Variants in BLOC1S5 observed in about 807,000 individuals in gnomAD.
The protein encoded by BLOC1S5 is biogenesis of lysosomal organelles complex 1 subunit 5.
A neutral mutation model predicts 24.3 loss-of-function variants in BLOC1S5; 27 were observed. The observed-to-expected ratio is 1.11, with a 90% CI of 0.82 to 1.53. The LOEUF is 1.53. Among genes scored for constraint, BLOC1S5 ranks in the 40% most tolerant of loss-of-function variants. The pLI, the probability that BLOC1S5 is intolerant of heterozygous loss-of-function variation, is 0.00. For synonymous variants in BLOC1S5, 84 were observed against 74.5 expected, an observed-to-expected ratio of 1.13 and a Z score of -0.66; for missense variants, 239 against 229.4, an observed-to-expected ratio of 1.04 and a Z score of -0.27.
intron 2 of BLOC1S5, among the ~76,000 whole-genome samples, chr6:8,044,126 AC>A (rs1763788232): frequency 1.3e-5 from 2 of 152,024 alleles, no homozygotes; most frequent in South Asian, 4.2e-4. Flanking sequence ...TACTAAAGAT[AC>A]AAAAAAATTA....
intron 3 of BLOC1S5, among the ~76,000 whole-genome samples, chr6:8,035,402 T>C (rs995642952): frequency 6.6e-6 from 1 of 151,416 alleles, no homozygotes; most frequent in South Asian, 2.1e-4. Flanking sequence ...GACCCACCTC[T>C]ATACTGCCTA....
intron 3 of BLOC1S5, among the ~76,000 whole-genome samples, chr6:8,028,308 T>C (rs1255933335): frequency 6.6e-6 from 1 of 151,830 alleles, no homozygotes; most frequent in Admixed American, 6.6e-5. Flanking sequence ...TCAAAGATAA[T>C]ATTTAAGTAT....
At chr6:8,050,311 C>A (rs1764062579) in intron 2 of BLOC1S5, among the ~76,000 whole-genome samples, 1 of 152,144 alleles carries the variant, frequency 6.6e-6, no homozygotes, top group African/African-American at 2.4e-5. Context: ...AGACCATGAA[C>A]TTAATCTATG....
In BLOC1S5 at chr6:8,018,420, G is replaced by A. The variant is rs61170758; in HGVS notation, c.385-2592C>T. Among the ~76,000 whole-genome samples, 576 of 152,304 alleles carry A rather than the reference G, an allele frequency of 3.8e-3. 3 individuals carry two copies. Among genetic ancestry groups the A allele is most frequent in the African/African-American group, 0.013 (548 of 41,574 alleles). On this transcript the variant is annotated intron_variant, in intron 4 of 4. Transcript: ENST00000397457. ...TGCATACTCAGATGTTATTTAATTT[G>A]TTCATTTCTTTGTAAATGGAAAGTC...
At chr6:8,058,750 G>A (rs527817419) in intron 2 of BLOC1S5, among the ~76,000 whole-genome samples, 8 of 152,298 alleles carry the variant, frequency 5.3e-5, no homozygotes, top group African/African-American at 1.7e-4. Context: ...ATCCTAGGGG[G>A]ATAGAAGGTA....
chr6:8,052,167 C>T (rs974379506), intron 2 of BLOC1S5, among the ~76,000 whole-genome samples: 3 of 151,866 alleles, frequency 2.0e-5, no homozygotes, highest in South Asian at 2.1e-4. Context: ...CGGGGTTTCA[C>T]CGTGTTAGCC....
chr6:8,038,540 C>T (rs7771219), intron 3 of BLOC1S5, among the ~76,000 whole-genome samples: 5 of 152,080 alleles, frequency 3.3e-5, no homozygotes, highest in East Asian at 3.9e-4. Context: ...GCTGGAGTGC[C>T]GTGGCGCTAT....
chr6:8,023,807 CGTGT>C (rs1300411816), intron 4 of BLOC1S5, among the ~76,000 whole-genome samples: 1 of 151,948 alleles, frequency 6.6e-6, no homozygotes, highest in Non-Finnish European at 1.5e-5. Context: ...TTATGACATA[CGTGT>C]GTGTGCGTGC....
chr6:8,033,078 A>C (rs1581407316), intron 3 of BLOC1S5, among the ~76,000 whole-genome samples: 1 of 152,238 alleles, frequency 6.6e-6, no homozygotes, highest in South Asian at 2.1e-4. Context: ...ATTCAATGCT[A>C]TCACCATTAA....
intron 4 of BLOC1S5, among the ~76,000 whole-genome samples, chr6:8,017,117 T>C (rs1762769583): frequency 3.9e-5 from 6 of 152,172 alleles, no homozygotes; most frequent in Admixed American, 3.3e-4. Flanking sequence ...ATTTCAATGA[T>C]TAACTTTGAA....
At chr6:8,058,275 T>C (rs1211272477) in intron 2 of BLOC1S5, among the ~76,000 whole-genome samples, 1 of 150,304 alleles carries the variant, frequency 6.7e-6, no homozygotes, top group African/African-American at 2.4e-5. Flanking sequence ...ATCCCAGTAC[T>C]TTTGGAGACT....
At chr6:8,016,740 C>T (rs114068316) in intron 4 of BLOC1S5, among the ~76,000 whole-genome samples, 2,153 of 151,688 alleles carry the variant, frequency 0.014, 49 homozygotes, top group African/African-American at 0.048. Flanking sequence ...GTGGCGTGCA[C>T]CTGTGATCCC....
At chr6:8,040,181 C>T (rs1047323694) in intron 3 of BLOC1S5, among the ~76,000 whole-genome samples, 5 of 152,204 alleles carry the variant, frequency 3.3e-5, no homozygotes, top group African/African-American at 1.2e-4. Flanking sequence ...GATGGTAGTT[C>T]CTCCAATTAT....
chr6:8,053,078 G>A (rs551835549), intron 2 of BLOC1S5, among the ~76,000 whole-genome samples: 2 of 152,174 alleles, frequency 1.3e-5, no homozygotes, highest in Non-Finnish European at 2.9e-5. Flanking sequence ...ACGTGTTCAA[G>A]TAAAGGAAGA....
At chr6:8,026,525 G>C (rs1763112201) in intron 3 of BLOC1S5, 100 bp from the exon 4 acceptor site, 6 of 949,090 alleles carry the variant, frequency 6.3e-6, no homozygotes, top group Middle Eastern at 2.1e-4. Context: ...AATTGTTTTA[G>C]ATCTCAAAAA....
chr6:8,027,408 TG>T (rs1372274482), intron 3 of BLOC1S5: 2 of 456,568 alleles, frequency 4.4e-6, no homozygotes, highest in Admixed American at 2.3e-5. Flanking sequence ...ATCTGTAAAA[TG>T]AACATAACAA....
intron 3 of BLOC1S5, among the ~76,000 whole-genome samples, chr6:8,028,199 G>A (rs1331733606): frequency 6.6e-6 from 1 of 152,150 alleles, no homozygotes; most frequent in East Asian, 1.9e-4. Context: ...TTCTCTTTCA[G>A]AGAAATGTTA....
intron 4 of BLOC1S5, among the ~76,000 whole-genome samples, chr6:8,023,579 G>C (rs1351830843): frequency 7.1e-6 from 1 of 141,458 alleles, no homozygotes; most frequent in Non-Finnish European, 1.5e-5. Context: ...GACGGAGTGA[G>C]ACTCCATCTC....
At chr6:8,040,552 G>A (rs1200259057) in intron 3 of BLOC1S5, among the ~76,000 whole-genome samples, 1 of 152,178 alleles carries the variant, frequency 6.6e-6, no homozygotes, top group East Asian at 1.9e-4. Context: ...TAGGAACACA[G>A]ATTGTAGTCA....
Sources: allele counts gnomAD v4.1 joint callset (sites outside exome capture counted in the v4.1 genomes callset), GRCh38; gene constraint gnomAD v4.1.1; transcripts MANE v1.5; gene names NCBI Gene and HGNC (gene_info 2026-07-23, HGNC 2026-07-21).